Variants in ZNF239 observed in about 807,000 individuals in gnomAD.
The protein encoded by ZNF239 is zinc finger protein 239, also known as zinc finger protein (C2H2) homologous to mouse MOK-2.
Under a neutral mutation model 27.5 loss-of-function variants are expected in ZNF239, and 16 were observed. The observed-to-expected ratio is 0.58, with a 90% confidence interval of 0.39 to 0.88. The LOEUF (loss-of-function observed/expected upper bound fraction) is 0.88, where lower values mean the gene tolerates loss of function less well. Among genes scored for constraint, ZNF239 ranks in the 40% least tolerant of loss-of-function variants. ZNF239 has a pLI of 0.00. For missense variants in ZNF239, 527 were observed against 551.9 expected, an observed-to-expected ratio of 0.95 and a Z score of 0.45; for synonymous variants, 199 against 192.6, an observed-to-expected ratio of 1.03 and a Z score of -0.27.
chr10:43,556,356 C>T lies in ZNF239; in HGVS notation c.*347G>A, dbSNP rs1353939086. 1.8e-5 allele frequency: 4 copies of T among 223,818 alleles called. No homozygotes were observed. Among genetic ancestry groups the T allele is most frequent in the Admixed American group, 1.5e-4 (3 of 19,820 alleles). The allele number at this position is 223,818 out of a possible 1,614,324, so 13.9% of individuals were successfully genotyped here. ...ACAAGGCACAAAATTTGAAGAGAAA[C>T]CAGAGTTTCAATTTCTCAGAGAATG... On this transcript the variant is annotated 3_prime_UTR_variant, in exon 4 of 4. Transcript: ENST00000374446.
intron 2 of ZNF239, chr10:43,568,315 C>A (rs1015330892): frequency 3.0e-6 from 3 of 985,342 alleles, no homozygotes; most frequent in African/African-American, 3.5e-5. Context: ...TTGTCATCTT[C>A]ACCCCATTCC....
At chr10:43,567,141 C>T (rs1330096316) in intron 3 of ZNF239, among the ~76,000 whole-genome samples, 6 of 151,758 alleles carry the variant, frequency 4.0e-5, no homozygotes, top group Non-Finnish European at 5.9e-5. Flanking sequence ...AAAAAGACTC[C>T]GTCTCAAAAA....
At position 43,558,069 on chromosome 10, in the gene ZNF239, G is replaced by A. The variant is rs200516030; in HGVS notation, c.11C>T (p.Thr4Ile). 2.3e-4 allele frequency: 378 copies of A among 1,612,968 alleles called. No individual in the cohort carries two copies. Among genetic ancestry groups the A allele is most frequent in the Non-Finnish European group, 3.1e-4 (366 of 1,179,402 alleles). The change falls in exon 4 of 4, where the codon ACA (threonine) becomes ATA (isoleucine). Residue 4 changes from threonine (T) to isoleucine (I), a missense_variant. Transcript: ENST00000374446. The part of the protein sequence containing the change: MAS[T>I]ITGSQDCIVN... ...AATACAATCCTGACTTCCAGTAATT[G>A]TACTGGCCATGCCTTCCAAAACTAG...
At chr10:43,565,681 GGCACGCGCCTGTAGTCCCA>G (rs1837583714) in intron 3 of ZNF239, among the ~76,000 whole-genome samples, 2 of 151,784 alleles carry the variant, frequency 1.3e-5, no homozygotes, top group African/African-American at 2.4e-5. Context: ...CGGGCATGGT[GGCACGCGCCTGTAGTCCCA>G]GCTACTCAGG....
intron 3 of ZNF239, among the ~76,000 whole-genome samples, chr10:43,563,968 T>C (rs1046020428): frequency 6.6e-6 from 1 of 152,040 alleles, no homozygotes; most frequent in African/African-American, 2.4e-5. Context: ...TAATTTTTTG[T>C]CATAAATCTA....
chr10:43,556,607 C>T lies in ZNF239; in HGVS notation c.*96G>A, dbSNP rs1588772770. The T allele has an allele frequency of 2.1e-6, 3 of 1,449,408 alleles. No homozygotes were observed. The highest frequency in any genetic ancestry group is 4.6e-5 in the Admixed American group (2 of 43,842). 89.8% of individuals were successfully genotyped at this position (1,449,408 alleles called of 1,614,324 possible). Reference sequence around the variant, plus strand: ...GAACATATCTAAATAACCCTTACATCTCTCTCCTTTGTAGAATATAAAGTA... The same window carrying T: ...GAACATATCTAAATAACCCTTACATTTCTCTCCTTTGTAGAATATAAAGTA... On this transcript the variant is annotated 3_prime_UTR_variant, in exon 4 of 4. Transcript: ENST00000374446.
At chr10:43,565,460 T>A (rs533819164) in intron 3 of ZNF239, among the ~76,000 whole-genome samples, 2 of 152,278 alleles carry the variant, frequency 1.3e-5, no homozygotes, top group African/African-American at 4.8e-5. Flanking sequence ...TCCTTCATAC[T>A]TAATTTTTCT....
chr10:43,560,402 A>C (rs1837135558), intron 3 of ZNF239, among the ~76,000 whole-genome samples: 1 of 152,152 alleles, frequency 6.6e-6, no homozygotes, highest in Non-Finnish European at 1.5e-5. Flanking sequence ...GGAAATAAAG[A>C]AGCAGGGCAT....
At chr10:43,571,111 G>C in intron 2 of ZNF239, 2 of 696,204 alleles carry the variant, frequency 2.9e-6, no homozygotes, top group Non-Finnish European at 3.5e-6. Context: ...ACAGTTGGGA[G>C]AGCAGACTTG....
At chr10:43,567,791 G>T (rs1197174796) in intron 3 of ZNF239, 108 bp downstream of exon 3, 1 of 590,448 alleles carries the variant, frequency 1.7e-6, no homozygotes, top group Non-Finnish European at 2.1e-6. Flanking sequence ...TTTTTACCAA[G>T]TTCTTTAGCT....
intron 2 of ZNF239, chr10:43,570,945 T>A (rs1837992800): frequency 2.0e-6 from 2 of 984,848 alleles, no homozygotes; most frequent in Non-Finnish European, 2.4e-6. Context: ...GTAGACCAAA[T>A]GAAAAGAATC....
At position 43,558,191 on chromosome 10, in the gene ZNF239, C is replaced by T; in HGVS notation, c.-92-20G>A. On this transcript the variant is annotated intron_variant, in intron 3 of 3. Coordinates refer to ENST00000374446, the MANE Select transcript of ZNF239 (RefSeq NM_001099282.2). Reference sequence around the variant, plus strand: ...AGTCTCCTAGGGAACAAAGACAATTCAGTGGTAAGAACAAAGGGTAGACTT... The same window carrying T: ...AGTCTCCTAGGGAACAAAGACAATTTAGTGGTAAGAACAAAGGGTAGACTT... 6.8e-7 allele frequency: 1 copy of T among 1,463,430 alleles called. No homozygotes were observed. 90.7% of individuals were successfully genotyped at this position (1,463,430 alleles called of 1,614,324 possible). A position where few individuals can be genotyped will look rare whatever the true frequency, so the allele number is the denominator to read the frequency against.
Position 43,556,980 on chromosome 10 carries a change from C to T in ZNF239, c.1100G>A (p.Cys367Tyr). 1 of 1,613,854 alleles carries T rather than the reference C, an allele frequency of 6.2e-7. No individual in the cohort carries two copies. The highest frequency in any genetic ancestry group is 8.5e-7 in the Non-Finnish European group (1 of 1,179,932). ...SQSSNLHIHR[C>Y]IHTGEKPYQC... is the part of the protein sequence containing the mutation. The stretch of plus-strand genomic sequence containing the variant: ...GTAAGGCTTCTCTCCTGTGTGGATG[C>T]ACCGGTGAATGTGAAGGTTCGAGCT... The change falls in exon 4 of 4, where the codon TGC becomes TAC. Residue 367 changes from cysteine to tyrosine, a missense_variant. Cys to Tyr is a radical substitution (Grantham distance 194). Coordinates refer to ENST00000374446, the MANE Select transcript of ZNF239 (RefSeq NM_001099282.2).
At chr10:43,573,566 A>T (rs750865088) in intron 2 of ZNF239, 71 bp downstream of exon 2, 1 of 959,304 alleles carries the variant, frequency 1.0e-6, no homozygotes, top group Non-Finnish European at 1.2e-6. Context: ...CCTGACAATA[A>T]AGAAAACAAC....
At chr10:43,561,617 T>C (rs995426491) in intron 3 of ZNF239, among the ~76,000 whole-genome samples, 1 of 152,168 alleles carries the variant, frequency 6.6e-6, no homozygotes, top group Non-Finnish European at 1.5e-5. Flanking sequence ...GAATATACTA[T>C]AGCAAAATTT....
rs1199543552 is a variant in ZNF239, at chr10:43,557,690, T to C, written c.390A>G (p.Pro130=). 2 of 1,614,184 alleles carry C rather than the reference T, an allele frequency of 1.2e-6. No homozygotes were observed. Among genetic ancestry groups the C allele is most frequent in the South Asian group, 1.1e-5 (1 of 91,084 alleles). The change falls in exon 4 of 4, where the codon CCA becomes CCG. Residue 130 remains proline, a synonymous_variant. Transcript: ENST00000374446. ...GGCAAGTTGCCTCACCATTTAACAA[T>C]GGCGAGGCCAGTTCTTGTCCATCAG... ...LVSDGQELAS[P]LLNGEATCQN...
chr10:43,574,126 TCA>T (rs1401972200), intron 1 of ZNF239, among the ~76,000 whole-genome samples: 1 of 152,174 alleles, frequency 6.6e-6, no homozygotes, highest in Non-Finnish European at 1.5e-5. Flanking sequence ...GACAGAAACC[TCA>T]GTCTCTTACA....
chr10:43,563,334 A>G (rs924936481), intron 3 of ZNF239, among the ~76,000 whole-genome samples: 7 of 152,216 alleles, frequency 4.6e-5, no homozygotes, highest in Non-Finnish European at 7.3e-5. Flanking sequence ...AGAAGAAAAA[A>G]AAATATGAAG....
At chr10:43,573,753 C>G (rs754201643) in intron 1 of ZNF239, 76 bp from the exon 2 acceptor site, 17 of 586,456 alleles carry the variant, frequency 2.9e-5, no homozygotes, top group Non-Finnish European at 3.4e-5. Context: ...AAAAGTTACT[C>G]CGCTCCTGCC....
Sources: gnomAD v4.1 joint callset for allele counts (sites outside exome capture counted in the v4.1 genomes callset) on GRCh38, gnomAD v4.1.1 for gene constraint, MANE v1.5 for transcripts, NCBI Gene and HGNC (gene_info 2026-07-23, HGNC 2026-07-21) for gene names.